TYW1: variants seen among roughly 807,000 people sequenced by gnomAD.
The protein encoded by TYW1 is S-adenosyl-L-methionine-dependent tRNA 4-demethylwyosine synthase TYW1.
A neutral mutation model predicts 96.2 loss-of-function variants in TYW1; 46 were observed. That is an observed-to-expected ratio of 0.48 (90% confidence interval 0.38 to 0.61). The LOEUF is 0.61. TYW1 is among the 20% of genes least tolerant of loss of function. The probability of loss-of-function intolerance (pLI) is 0.00; values close to 1 mark genes in which losing one functional copy is unlikely to be tolerated. For missense variants in TYW1, 684 were observed against 909.6 expected, an observed-to-expected ratio of 0.75 and a Z score of 3.19; for synonymous variants, 274 against 323.0, an observed-to-expected ratio of 0.85 and a Z score of 1.63.
intron 14 of TYW1, among the ~76,000 whole-genome samples, chr7:67,188,939 A>ATGTATG (rs1310334367): frequency 6.6e-6 from 1 of 152,218 alleles, no homozygotes; most frequent in African/African-American, 2.4e-5. Context: ...GGAAACACAC[A>ATGTATG]TGTATGTGTA....
At chr7:67,191,891 G>A (rs1282354996) in intron 14 of TYW1, among the ~76,000 whole-genome samples, 3 of 141,670 alleles carry the variant, frequency 2.1e-5, no homozygotes, top group African/African-American at 8.4e-5. Flanking sequence ...GTTGTTGTTT[G>A]GTTTTTGTTT....
chr7:67,112,100 CAAAAAAAA>C (rs538839042), intron 12 of TYW1, among the ~76,000 whole-genome samples: 5,627 of 94,890 alleles, frequency 0.059, 167 homozygotes, highest in East Asian at 0.13. Context: ...CTCTGTCTGA[CAAAAAAAA>C]AAAAAAAAAA....
Position 66,998,968 on chromosome 7 carries a change from A to G in TYW1, c.273+14A>G, listed in dbSNP as rs779045356. On this transcript the variant is annotated intron_variant, in intron 3 of 15. Transcript: ENST00000359626. ...GGAACAGCGAAGGTAAGAAATTTATATGATGCTTTTCCTTTGGTTTCCTGA... is the reference window on the plus strand; with the variant it reads ...GGAACAGCGAAGGTAAGAAATTTATGTGATGCTTTTCCTTTGGTTTCCTGA... 1.2e-5 allele frequency: 20 copies of G among 1,613,066 alleles called. No individual in the cohort carries two copies. Among genetic ancestry groups the G allele is most frequent in the Middle Eastern group, 1.6e-4 (1 of 6,080 alleles).
intron 13 of TYW1, among the ~76,000 whole-genome samples, chr7:67,171,019 C>G (rs1331928211): frequency 3.9e-5 from 6 of 152,050 alleles, no homozygotes; most frequent in African/African-American, 1.4e-4. Context: ...GGCAATGAAG[C>G]CATCTGCTCT....
At chr7:67,193,312 A>G (rs1213691466) in intron 14 of TYW1, among the ~76,000 whole-genome samples, 2 of 152,174 alleles carry the variant, frequency 1.3e-5, no homozygotes, top group Admixed American at 6.5e-5. Flanking sequence ...GCTGTGGTTT[A>G]TATTCCACAA....
chr7:67,166,350 T>TATATATTATATATATAATATATAA (rs1563051250), intron 13 of TYW1, among the ~76,000 whole-genome samples: 4 of 129,506 alleles, frequency 3.1e-5, no homozygotes, highest in African/African-American at 5.9e-5. Context: ...TAATATATAA[T>TATATATTATATATATAATATATAA]TATATATAAT....
In TYW1 at chr7:67,051,727, T is replaced by C. The variant is rs112718345; in HGVS notation, c.1102+1661T>C. Among the ~76,000 whole-genome samples the C allele has an allele frequency of 6.0e-3, 808 of 134,072 alleles. 6 individuals are homozygous for C. The highest frequency in any genetic ancestry group is 0.02 in the African/African-American group (774 of 38,456). 88.0% of individuals were successfully genotyped at this position (134,072 alleles called of 152,430 possible). ...ATCTGCCTGAAGGACTGTTTTTGTTTTTTTGTTTTTTTTTTTTTTTCTAAT... is the reference window on the plus strand; with the variant it reads ...ATCTGCCTGAAGGACTGTTTTTGTTCTTTTGTTTTTTTTTTTTTTTCTAAT... On this transcript the variant is annotated intron_variant, in intron 8 of 15. Coordinates refer to ENST00000359626, the MANE Select transcript of TYW1 (RefSeq NM_018264.4).
intron 15 of TYW1, among the ~76,000 whole-genome samples, chr7:67,232,762 G>C (rs1253137549): frequency 2.2e-5 from 2 of 91,528 alleles, no homozygotes; most frequent in African/African-American, 5.1e-5. Context: ...GTTTTATTAT[G>C]GCAGCCCTGC....
intron 13 of TYW1, among the ~76,000 whole-genome samples, chr7:67,135,120 AG>A (rs1798203787): frequency 1.3e-5 from 2 of 152,038 alleles, no homozygotes; most frequent in Middle Eastern, 3.4e-3. Context: ...CACCCTGTCT[AG>A]AATGGATGAA....
intron 11 of TYW1, among the ~76,000 whole-genome samples, chr7:67,088,205 T>G (rs1158512488): frequency 1.3e-5 from 2 of 152,208 alleles, no homozygotes; most frequent in African/African-American, 2.4e-5. Flanking sequence ...AGAGATCCCT[T>G]AATTTGTAAT....
chr7:67,153,483 T>C (rs1798866620), intron 13 of TYW1, among the ~76,000 whole-genome samples: 2 of 152,182 alleles, frequency 1.3e-5, no homozygotes, highest in Non-Finnish European at 2.9e-5. Flanking sequence ...AAAATAGTCT[T>C]ATGTTTATAT....
chr7:67,138,620 A>G (rs58919054), intron 13 of TYW1, among the ~76,000 whole-genome samples: 1,973 of 151,826 alleles, frequency 0.013, 39 homozygotes, highest in African/African-American at 0.046. Flanking sequence ...CTTCCTCCCA[A>G]CACCCCCACT....
At chr7:67,153,783 G>A (rs1383351603) in intron 13 of TYW1, among the ~76,000 whole-genome samples, 1 of 152,076 alleles carries the variant, frequency 6.6e-6, no homozygotes, top group African/African-American at 2.4e-5. Flanking sequence ...ATCATGCTTT[G>A]CATACTGCCT....
intron 13 of TYW1, among the ~76,000 whole-genome samples, chr7:67,133,531 C>A (rs1274573142): frequency 6.7e-6 from 1 of 149,926 alleles, no homozygotes. Context: ...AACCCCGTCT[C>A]TACTAAAAAT....
At chr7:67,179,865 A>ATATATATT (rs1554386064) in intron 13 of TYW1, among the ~76,000 whole-genome samples, 4 of 87,198 alleles carry the variant, frequency 4.6e-5, no homozygotes, top group African/African-American at 1.2e-4. Flanking sequence ...ATATATATAT[A>ATATATATT]TTTTTTTTTT....
chr7:67,108,285 T>C (rs1480077349), intron 12 of TYW1, among the ~76,000 whole-genome samples: 1 of 152,142 alleles, frequency 6.6e-6, no homozygotes, highest in Non-Finnish European at 1.5e-5. Flanking sequence ...ATTGACAGAC[T>C]ACAAAGGGCG....
chr7:67,069,547 T>C (rs570855647), intron 10 of TYW1, among the ~76,000 whole-genome samples: 1 of 152,266 alleles, frequency 6.6e-6, no homozygotes, highest in Non-Finnish European at 1.5e-5. Flanking sequence ...AAGACCTGTC[T>C]GGGTAACATG....
At chr7:67,088,768 C>T (rs1206916030) in intron 11 of TYW1, among the ~76,000 whole-genome samples, 3 of 152,084 alleles carry the variant, frequency 2.0e-5, no homozygotes, top group Admixed American at 1.3e-4. Flanking sequence ...GGGGGTCTCA[C>T]TATGTTGCCC....
intron 3 of TYW1, among the ~76,000 whole-genome samples, chr7:67,006,977 T>TTTTTTC (rs1562962029): frequency 8.8e-6 from 1 of 113,142 alleles, no homozygotes; most frequent in Non-Finnish European, 1.8e-5. Flanking sequence ...TTTTTTTTTT[T>TTTTTTC]AACAGCCATC....
Sources: gnomAD v4.1 joint callset for allele counts (sites outside exome capture counted in the v4.1 genomes callset) on GRCh38, gnomAD v4.1.1 for gene constraint, MANE v1.5 for transcripts, NCBI Gene and HGNC (gene_info 2026-07-23, HGNC 2026-07-21) for gene names.